SP110: variants seen among roughly 807,000 people sequenced by gnomAD.
SP110 encodes the protein SP110 nuclear body protein, also known as interferon-induced protein 41, 30kD.
In SP110, 62 loss-of-function variants were observed where a neutral mutation model predicts 92.7. The ratio of observed to expected loss-of-function variants is 0.67; its 90% CI spans 0.55 to 0.83. The LOEUF is 0.83. SP110 is among the 40% of genes least tolerant of loss of function. SP110 has a pLI of 0.00. For synonymous variants in SP110, 273 were observed against 305.3 expected, an observed-to-expected ratio of 0.89 and a Z score of 1.10; for missense variants, 793 against 863.9, an observed-to-expected ratio of 0.92 and a Z score of 1.03.
In SP110 at chr2:230,211,387, C is replaced by A; in HGVS notation, c.751+83G>T. 1.1e-6 allele frequency: 1 copy of A among 893,194 alleles called. No homozygotes were observed. The highest frequency in any genetic ancestry group is 1.6e-5 in the African/African-American group (1 of 61,248). The allele number at this position is 893,194 out of a possible 1,614,324, so 55.3% of individuals were successfully genotyped here. On this transcript the variant is annotated intron_variant, in intron 6 of 18. Transcript: ENST00000258381. The surrounding 1 kb of genome is among the most constrained non-coding windows in gnomAD (Gnocchi z 4.2). ...TGCTGAGAGGCAGGAGGAGAGCCCC[C>A]TCTCTAGAAGATCCGAATGGCTTTT...
At chr2:230,222,063 A>G (rs2045863643), upstream of SP110, among the ~76,000 whole-genome samples, 2 of 152,202 alleles carry the variant, frequency 1.3e-5, no homozygotes, top group Non-Finnish European at 2.9e-5. Flanking sequence ...TCCCGTCTCT[A>G]CTAAAAACAC....
At chr2:230,199,128 CTATTATTAT>C (rs200457151) in intron 10 of SP110, among the ~76,000 whole-genome samples, 3 of 140,286 alleles carry the variant, frequency 2.1e-5, no homozygotes, top group African/African-American at 8.3e-5. Context: ...GCTTTAGCTA[CTATTATTAT>C]TATTATTATT....
rs76326055 is a variant in SP110 at position 230,170,041 on chromosome 2, T to C, written c.2028+580A>G. On this transcript the variant is annotated intron_variant, in intron 18 of 18. Coordinates refer to ENST00000258381, the MANE Select transcript of SP110 (RefSeq NM_080424.4). ...TTCCTTAGGTACCTCCCAAGAAATA[T>C]CTGTACAAGTGAGGATAAAAATCAG... Among the ~76,000 whole-genome samples the C allele has an allele frequency of 5.5e-3, 831 of 152,226 alleles. 5 individuals are homozygous for C. Among genetic ancestry groups the C allele is most frequent in the African/African-American group, 0.019 (795 of 41,532 alleles).
chr2:230,171,566 G>A (rs974730047), intron 17 of SP110, 130 bp downstream of exon 17: 29 of 764,048 alleles, frequency 3.8e-5, no homozygotes, highest in Middle Eastern at 2.3e-4. Context: ...CTGCTGCCCC[G>A]CTCCACTGCT....
rs1359545061 is a variant in SP110, at chr2:230,168,692, G to C, written c.*432C>G. ...CTATACCACTAAGAAAATGCAACCA[G>C]AAAATTCCAGATTGCAAAAAATGTA... is the stretch of plus-strand genomic sequence containing the variant. On this transcript the variant is annotated 3_prime_UTR_variant, in exon 19 of 19. Transcript: ENST00000258381. The C allele has an allele frequency of 6.1e-6, 1 of 164,110 alleles. No homozygotes were observed. The highest frequency in any genetic ancestry group is 2.4e-5 in the African/African-American group (1 of 41,464). The allele number at this position is 164,110 out of a possible 1,614,324, so 10.2% of individuals were successfully genotyped here.
At position 230,212,363 on chromosome 2, in the gene SP110, G is replaced by A. The variant is rs2044588445; in HGVS notation, c.651C>T (p.Leu217=). 1.2e-6 allele frequency: 2 copies of A among 1,612,304 alleles called. No homozygotes were observed. Among genetic ancestry groups the A allele is most frequent in the East Asian group, 4.5e-5 (2 of 44,878 alleles). Reference sequence around the variant, plus strand: ...CAGTGTTACCTTGCACAGTGCTAGTGAGGAGGCTGGGCATCTCTTCTGAGT... The same window carrying A: ...CAGTGTTACCTTGCACAGTGCTAGTAAGGAGGCTGGGCATCTCTTCTGAGT... ...EEDSEEMPSL[L]TSTVQVASDN... Residue 217 remains leucine (L), a synonymous_variant, in exon 5 of 19, where the codon CTC becomes CTT. Coordinates refer to ENST00000258381, the MANE Select transcript of SP110 (RefSeq NM_080424.4).
chr2:230,170,968 T>C, intron 17 of SP110: 2 of 621,250 alleles, frequency 3.2e-6, no homozygotes, highest in Non-Finnish European at 5.8e-6. Context: ...ATGGGTACCA[T>C]AAATAATAAT....
At chr2:230,180,170 T>C (rs1405925155) in intron 12 of SP110, among the ~76,000 whole-genome samples, 1 of 151,970 alleles carries the variant, frequency 6.6e-6, no homozygotes, top group African/African-American at 2.4e-5. Context: ...GAGCCTGCTG[T>C]GAAAAGCAAG....
chr2:230,187,685 G>C (rs776552563), intron 10 of SP110, among the ~76,000 whole-genome samples: 4 of 152,064 alleles, frequency 2.6e-5, no homozygotes, highest in Non-Finnish European at 5.9e-5. Context: ...GGGAAATAGG[G>C]ATCCAGTTTT....
At chr2:230,215,495 G>A (rs1440520486) in intron 2 of SP110, among the ~76,000 whole-genome samples, 1 of 152,194 alleles carries the variant, frequency 6.6e-6, no homozygotes, top group Non-Finnish European at 1.5e-5. Context: ...TGGTTCTAGT[G>A]ATGGTCACAG....
At chr2:230,176,555 TG>T in intron 14 of SP110, 1 of 1,605,416 alleles carries the variant, frequency 6.2e-7, no homozygotes, top group South Asian at 1.1e-5. Context: ...GTTTTGAAGA[TG>T]CCATGCCCAA....
intron 10 of SP110, among the ~76,000 whole-genome samples, chr2:230,193,883 G>A (rs1421552244): frequency 6.6e-6 from 1 of 152,182 alleles, no homozygotes. Context: ...TTTGTTGGGA[G>A]CAAAGAGGAA....
At chr2:230,221,757 C>T (rs2148982789), upstream of SP110, 2 of 1,534,902 alleles carry the variant, frequency 1.3e-6, no homozygotes, top group Non-Finnish European at 1.7e-6. Context: ...TCTGAGGATC[C>T]TGGCAGCAAG....
At chr2:230,195,491 G>A (rs1317982719) in intron 10 of SP110, among the ~76,000 whole-genome samples, 1 of 152,022 alleles carries the variant, frequency 6.6e-6, no homozygotes, top group Admixed American at 6.6e-5. Context: ...TGCACCCCCA[G>A]GCTAACTTTT....
At chr2:230,200,461 A>G (rs1054365503) in intron 10 of SP110, 2 of 185,394 alleles carry the variant, frequency 1.1e-5, no homozygotes, top group South Asian at 1.0e-4. Context: ...TTTTCTCAGA[A>G]AGGCCACATG....
chr2:230,212,252 C>T, intron 5 of SP110, 95 bp downstream of exon 5: 1 of 913,190 alleles, frequency 1.1e-6, no homozygotes, highest in Non-Finnish European at 1.8e-6. Context: ...AGTTCTTTTT[C>T]CCAGGGTTCC....
intron 16 of SP110, 129 bp from the exon 17 acceptor site, chr2:230,171,896 G>A (rs116449341): frequency 3.7e-5 from 32 of 863,586 alleles, no homozygotes; most frequent in South Asian, 1.8e-4. Flanking sequence ...TTCCCAAGGC[G>A]CACAGGGTGT....
At chr2:230,190,795 A>G (rs191969072) in intron 10 of SP110, among the ~76,000 whole-genome samples, 53 of 152,320 alleles carry the variant, frequency 3.5e-4, no homozygotes, top group Admixed American at 3.5e-3. Flanking sequence ...TTTTCCTGGC[A>G]CCATTTATTA....
upstream of SP110, among the ~76,000 whole-genome samples, chr2:230,224,531 G>A (rs1178888082): frequency 6.6e-6 from 1 of 151,624 alleles, no homozygotes; most frequent in Non-Finnish European, 1.5e-5. Context: ...GAGAGAGAGA[G>A]AGGAGAGAGA....
Sources: gnomAD v4.1 joint callset for allele counts (sites outside exome capture counted in the v4.1 genomes callset) on GRCh38, gnomAD v4.1.1 for gene constraint, Gnocchi (gnomAD v3.1) non-coding constraint, MANE v1.5 for transcripts, NCBI Gene and HGNC (gene_info 2026-07-23, HGNC 2026-07-21) for gene names.